Variants in ADARB2 observed in about 807,000 individuals in gnomAD.
The protein encoded by ADARB2 is adenosine deaminase RNA specific B2 (inactive), also known as inactive double-stranded RNA-specific editase B2.
ADARB2 carries 25 observed loss-of-function variants against 62.2 expected under a neutral mutation model. That is an observed-to-expected ratio of 0.40 (90% CI 0.29 to 0.56). The LOEUF (loss-of-function observed/expected upper bound fraction) is 0.56. ADARB2 is among the 20% of genes least tolerant of loss of function. The pLI is 0.43. For synonymous variants in ADARB2, 572 were observed against 500.8 expected (o/e 1.14, Z -1.90); for missense variants, 1,071 against 1,077.4 (o/e 0.99, Z 0.08).
intron 1 of ADARB2, among the ~76,000 whole-genome samples, chr10:1,425,702 G>C (rs1248784337): frequency 6.6e-6 from 1 of 152,238 alleles, no homozygotes; most frequent in East Asian, 1.9e-4. Context: ...TCCTGGCTCA[G>C]TAACCCTTCA....
chr10:1,241,310 G>C lies in ADARB2; in HGVS notation c.1361+821C>G, dbSNP rs543209249. 5.9e-5 allele frequency among the ~76,000 whole-genome samples: 9 copies of C among 152,334 alleles called. 1 individual carries two copies. In the South Asian group the frequency reaches 1.9e-3, roughly 32 times the overall value. ...TAAGGTGTTGTTTTCAGCAGCGTCT[G>C]CTTAGGGCTACACGTGGGCCTTTCT... is the stretch of plus-strand genomic sequence containing the variant. On this transcript the variant is annotated intron_variant, in intron 5 of 9. Transcript: ENST00000381312.
chr10:1,412,390 A>T (rs2131879997), intron 1 of ADARB2, among the ~76,000 whole-genome samples: 1 of 152,144 alleles, frequency 6.6e-6, no homozygotes, highest in South Asian at 2.1e-4. Context: ...CAAATAATTT[A>T]AAAAATTTAT....
rs538134929 is a variant in ADARB2, at chr10:1,454,834, T to C, written c.101-75674A>G. Among the ~76,000 whole-genome samples the C allele has an allele frequency of 7.9e-5, 12 of 152,330 alleles. No homozygotes were observed. In the South Asian group the frequency reaches 2.5e-3, roughly 32 times the overall value. Reference sequence around the variant, plus strand: ...CAGAGGGTACATTTTGTGTTATGTATATTTTACCATAATTTAAAAAAAGAA... The same window carrying C: ...CAGAGGGTACATTTTGTGTTATGTACATTTTACCATAATTTAAAAAAAGAA... On this transcript the variant is annotated intron_variant, in intron 1 of 9. Coordinates refer to ENST00000381312, the MANE Select transcript of ADARB2 (RefSeq NM_018702.4).
intron 1 of ADARB2, among the ~76,000 whole-genome samples, chr10:1,471,910 G>C (rs59042412): frequency 0.44 from 67,211 of 152,022 alleles, 15,059 homozygotes; most frequent in Admixed American, 0.55. Context: ...CCCTTCCTAT[G>C]AACAGCGGTC....
intron 8 of ADARB2, chr10:1,186,579 C>G (rs1836762738): frequency 1.9e-6 from 1 of 518,838 alleles, no homozygotes; most frequent in Non-Finnish European, 3.8e-6. Context: ...CTCTGCCTCT[C>G]CAGCCCTTCC....
At chr10:1,509,128 C>T (rs115588607) in intron 1 of ADARB2, among the ~76,000 whole-genome samples, 2,399 of 152,196 alleles carry the variant, frequency 0.016, 49 homozygotes, top group African/African-American at 0.054. Context: ...CGTGCCATGC[C>T]CTCGGTGATT....
chr10:1,203,171 A>G (rs192462086), intron 7 of ADARB2, among the ~76,000 whole-genome samples: 98 of 152,358 alleles, frequency 6.4e-4, no homozygotes, highest in Middle Eastern at 3.4e-3. Context: ...CTAGTTTTCA[A>G]TATAGATAAT....
chr10:1,316,915 T>G (rs1831744999), intron 3 of ADARB2, among the ~76,000 whole-genome samples: 2 of 152,242 alleles, frequency 1.3e-5, no homozygotes, highest in South Asian at 4.1e-4. Flanking sequence ...CAGTTTTGTG[T>G]GCGTGTGTCT....
At chr10:1,515,171 A>C (rs1200177441) in intron 1 of ADARB2, among the ~76,000 whole-genome samples, 1 of 152,234 alleles carries the variant, frequency 6.6e-6, no homozygotes, top group Non-Finnish European at 1.5e-5. Flanking sequence ...AAAACTATGG[A>C]ATAGCCAGGA....
intron 3 of ADARB2, among the ~76,000 whole-genome samples, chr10:1,353,185 G>A (rs779590171): frequency 2.0e-5 from 3 of 152,188 alleles, no homozygotes; most frequent in Admixed American, 6.5e-5. Context: ...TCTTAGAGTG[G>A]ATAGATGATC....
rs376967105 is a variant in ADARB2, at chr10:1,566,063, C to CAAAAAAAAA, written c.100+170979_100+170987dup. Among the ~76,000 whole-genome samples, 6 of 128,050 alleles carry CAAAAAAAAA rather than the reference C, an allele frequency of 4.7e-5. 1 individual carries two copies. Among genetic ancestry groups the CAAAAAAAAA allele is most frequent in the African/African-American group, 1.8e-4 (6 of 33,430 alleles). The allele number at this position is 128,050 out of a possible 152,430, so 84.0% of individuals were successfully genotyped here. A position where few individuals can be genotyped will look rare whatever the true frequency, so the allele number is the denominator to read the frequency against. On this transcript the variant is annotated intron_variant, in intron 1 of 9. Coordinates refer to ENST00000381312, the MANE Select transcript of ADARB2 (RefSeq NM_018702.4). ...CTCCTCTAGGTTGAGCTCAGTCTAG[C>CAAAAAAAAA]AAAAAAAAAAAAAAAAAAAAAAAAA...
Position 1,737,048 on chromosome 10 carries a change from T to C in ADARB2, c.100+3A>G. 1 of 1,610,528 alleles carries C rather than the reference T, an allele frequency of 6.2e-7. No homozygotes were observed. The highest frequency in any genetic ancestry group is 8.5e-7 in the Non-Finnish European group (1 of 1,179,842). ...AGGGGCCGGCGCGCCACGCGGTCCT[T>C]ACCTTTCCGCTTGGACCTCCGCCTC... On this transcript the variant is annotated splice_donor_region_variant and intron_variant, in intron 1 of 9. Transcript: ENST00000381312.
Position 1,217,135 on chromosome 10 carries a change from G to C in ADARB2, c.1514-16C>G, listed in dbSNP as rs2050430703. On this transcript the variant is annotated splice_polypyrimidine_tract_variant and intron_variant, in intron 6 of 9. Coordinates refer to ENST00000381312, the MANE Select transcript of ADARB2 (RefSeq NM_018702.4). ...CTGCTGTGCACTAGGAGATAAAAGG[G>C]CGGGGAGGGGTGAGAAGAGGGAAGC... 6.4e-7 allele frequency: 1 copy of C among 1,562,936 alleles called. No individual in the cohort carries two copies. The highest frequency in any genetic ancestry group is 1.4e-5 in the African/African-American group (1 of 73,880).
At chr10:1,200,194 G>A (rs747243094) in intron 7 of ADARB2, 47 bp from the exon 8 acceptor site, 6 of 1,549,818 alleles carry the variant, frequency 3.9e-6, no homozygotes, top group Non-Finnish European at 5.2e-6. Flanking sequence ...AGGAGCCCAG[G>A]GAGCCTGGTC....
chr10:1,596,323 TG>T (rs1242830641), intron 1 of ADARB2, among the ~76,000 whole-genome samples: 11 of 152,234 alleles, frequency 7.2e-5, no homozygotes, highest in African/African-American at 2.7e-4. Context: ...AAGTTTATCT[TG>T]TTTAGGAGTA....
chr10:1,533,231 G>A (rs1424782376), intron 1 of ADARB2, among the ~76,000 whole-genome samples: 3 of 151,082 alleles, frequency 2.0e-5, no homozygotes, highest in Non-Finnish European at 2.9e-5. Flanking sequence ...CGATTCTCCT[G>A]ACTCAGCCTC....
At chr10:1,607,286 C>A (rs1833505840) in intron 1 of ADARB2, among the ~76,000 whole-genome samples, 1 of 152,184 alleles carries the variant, frequency 6.6e-6, no homozygotes, top group Non-Finnish European at 1.5e-5. Context: ...TTCACCACGT[C>A]CATCAGAGGC....
intron 1 of ADARB2, among the ~76,000 whole-genome samples, chr10:1,545,585 C>G (rs2131972855): frequency 6.6e-6 from 1 of 152,260 alleles, no homozygotes; most frequent in South Asian, 2.1e-4. Flanking sequence ...GGAAGATGGC[C>G]TCGGTTAGCC....
Position 1,712,618 on chromosome 10 carries a change from T to TA in ADARB2, c.100+24432_100+24433insT, listed in dbSNP as rs1283070140. Among the ~76,000 whole-genome samples, 5 of 133,566 alleles carry TA rather than the reference T, an allele frequency of 3.7e-5. No individual in the cohort carries two copies. In the East Asian group the frequency reaches 1.2e-3, roughly 31 times the overall value. The allele number at this position is 133,566 out of a possible 152,430, so 87.6% of individuals were successfully genotyped here. On this transcript the variant is annotated intron_variant, in intron 1 of 9. Coordinates refer to ENST00000381312, the MANE Select transcript of ADARB2 (RefSeq NM_018702.4). ...TTACTGAAACCACCATTACTTTTTT[T>TA]TTTTTTGAAACGGAGTCTCCCTCTG...
Sources: allele counts gnomAD v4.1 joint callset (sites outside exome capture counted in the v4.1 genomes callset), GRCh38; gene constraint gnomAD v4.1.1; transcripts MANE v1.5; gene names NCBI Gene and HGNC (gene_info 2026-07-23, HGNC 2026-07-21).